The following UBE3C variants were observed in gnomAD, a reference collection of about 807,000 sequenced individuals.
UBE3C encodes the protein ubiquitin-protein ligase E3C.
Under a neutral mutation model 129.4 loss-of-function variants are expected in UBE3C, and 42 were observed. The observed-to-expected ratio is 0.32, with a 90% confidence interval of 0.25 to 0.42. The LOEUF (loss-of-function observed/expected upper bound fraction) is 0.42. Ranked by LOEUF, UBE3C falls within the 10% of genes least tolerant of loss-of-function variation. The pLI is 1.00. For synonymous variants in UBE3C, 510 were observed against 492.4 expected (o/e 1.04, Z -0.47); for missense variants, 1,049 against 1,319.1 (o/e 0.80, Z 3.17).
chr7:157,187,072 C>T (rs1808827893), intron 10 of UBE3C, 51 bp downstream of exon 10: 1 of 1,520,724 alleles, frequency 6.6e-7, no homozygotes, highest in Non-Finnish European at 8.9e-7. Context: ...GAGAACATAC[C>T]TTCCTCCCTG....
In UBE3C at chr7:157,231,299, A is replaced by T; in HGVS notation, c.2453A>T (p.Tyr818Phe). The change falls in exon 18 of 23, where the codon TAC becomes TTC. Residue 818 changes from tyrosine to phenylalanine, a missense_variant. Tyr to Phe is a conservative substitution (Grantham distance 22). Coordinates refer to ENST00000348165, the MANE Select transcript of UBE3C (RefSeq NM_014671.3). ...GTGGGAGATTCTTTTGCCAGACATT[A>T]CTACTTCCTAGGCAGAATGCTTGGA... ...MLVGDSFARH[Y>F]YFLGRMLGKA... 6.2e-7 allele frequency: 1 copy of T among 1,614,142 alleles called. No homozygotes were observed. Among genetic ancestry groups the T allele is most frequent in the Non-Finnish European group, 8.5e-7 (1 of 1,180,006 alleles).
intron 15 of UBE3C, 140 bp downstream of exon 15, chr7:157,220,916 T>C: frequency 1.0e-6 from 1 of 992,960 alleles, no homozygotes; most frequent in Non-Finnish European, 1.4e-6. Context: ...TAGAAAAGTT[T>C]CATCACCCAC....
chr7:157,266,239 G>A (rs953410037), intron 22 of UBE3C, among the ~76,000 whole-genome samples: 3 of 152,132 alleles, frequency 2.0e-5, no homozygotes, highest in Admixed American at 6.6e-5. Context: ...GCGTGAACCC[G>A]GGAGGCGGAT....
In UBE3C at chr7:157,174,594, C is replaced by T. The variant is rs551733614; in HGVS notation, c.343-325C>T. On this transcript the variant is annotated intron_variant, in intron 4 of 22. Coordinates refer to ENST00000348165, the MANE Select transcript of UBE3C (RefSeq NM_014671.3). ...CAGCCTCTCGAATAGCTGGGACTAC[C>T]GATGTGTGCCACCACGCTCGGCTAA... 2.0e-4 allele frequency among the ~76,000 whole-genome samples: 31 copies of T among 152,146 alleles called. 1 individual carries two copies. In the South Asian group the frequency reaches 5.6e-3, roughly 28 times the overall value.
chr7:157,191,768 T>G (rs765690674), intron 10 of UBE3C, among the ~76,000 whole-genome samples: 2 of 152,204 alleles, frequency 1.3e-5, no homozygotes, highest in Non-Finnish European at 2.9e-5. Flanking sequence ...AAAATACAGA[T>G]TTGTTTTTCA....
At chr7:157,177,869 A>C (rs3802125) in intron 5 of UBE3C, among the ~76,000 whole-genome samples, 67,670 of 151,350 alleles carry the variant, frequency 0.45, 16,861 homozygotes, top group African/African-American at 0.69. Flanking sequence ...AGTTTCAGTG[A>C]GGCATTGAAA....
intron 13 of UBE3C, among the ~76,000 whole-genome samples, chr7:157,212,469 G>A (rs1027518428): frequency 3.9e-5 from 6 of 152,148 alleles, no homozygotes; most frequent in Admixed American, 6.5e-5. Context: ...TAGCTAGTGC[G>A]TAAGAATATT....
In UBE3C at chr7:157,170,317, G is replaced by C; in HGVS notation, c.209G>C (p.Arg70Thr). 1 of 1,516,358 alleles carries C rather than the reference G, an allele frequency of 6.6e-7. No individual in the cohort carries two copies. Among genetic ancestry groups the C allele is most frequent in the Non-Finnish European group, 8.8e-7 (1 of 1,136,376 alleles). The allele number at this position is 1,516,358 out of a possible 1,614,324, so 93.9% of individuals were successfully genotyped here. Residue 70 changes from arginine to threonine, a missense_variant, in exon 4 of 23, where the codon AGA (arginine) becomes ACA (threonine). Arg to Thr is a moderately conservative substitution (Grantham distance 71). This residue lies in a region of UBE3C where 489 missense variants were observed against 513.8 expected (regional missense o/e 0.95). Transcript: ENST00000348165. Reference sequence around the variant, plus strand: ...TTTTTCTTCCAGTATTCCATCCAAAGAAGTGCATTTGATCGCTGTGCTACC... The same window carrying C: ...TTTTTCTTCCAGTATTCCATCCAAACAAGTGCATTTGATCGCTGTGCTACC... Reference protein sequence around the residue: ...RDRKQQYSIQRSAFDRCATLS... With the variant: ...RDRKQQYSIQTSAFDRCATLS...
At chr7:157,143,524 T>C (rs1043720035) in intron 1 of UBE3C, among the ~76,000 whole-genome samples, 1 of 152,188 alleles carries the variant, frequency 6.6e-6, no homozygotes, top group Non-Finnish European at 1.5e-5. Flanking sequence ...ACTGGCTTTC[T>C]CCATTTCTCA....
At chr7:157,154,737 A>T (rs984145351) in intron 1 of UBE3C, among the ~76,000 whole-genome samples, 13 of 152,168 alleles carry the variant, frequency 8.5e-5, no homozygotes, top group African/African-American at 2.7e-4. Flanking sequence ...TTTGCATTGG[A>T]TACTTCATTT....
rs1395065908 is a variant in UBE3C, at chr7:157,225,442, A to C, written c.2136A>C (p.Glu712Asp). The part of the protein sequence containing the change: ...FQRLIYADKQ[E>D]VQGDGPFLDG... Reference sequence around the variant, plus strand: ...GGTTGATTTATGCAGATAAGCAAGAAGTTCAAGGAGATGGTCCATTTCTGG... The same window carrying C: ...GGTTGATTTATGCAGATAAGCAAGACGTTCAAGGAGATGGTCCATTTCTGG... Residue 712 changes from glutamate to aspartate, a missense_variant, in exon 17 of 23, where the codon GAA becomes GAC. Glu to Asp is a conservative substitution (Grantham distance 45). This residue lies in a region of UBE3C where 314 missense variants were observed against 416.9 expected (regional missense o/e 0.75). Coordinates refer to ENST00000348165, the MANE Select transcript of UBE3C (RefSeq NM_014671.3). 6.2e-7 allele frequency: 1 copy of C among 1,606,740 alleles called. No homozygotes were observed. The highest frequency in any genetic ancestry group is 1.1e-5 in the South Asian group (1 of 89,220).
At chr7:157,185,179 G>A (rs1808773527) in intron 9 of UBE3C, among the ~76,000 whole-genome samples, 2 of 152,236 alleles carry the variant, frequency 1.3e-5, no homozygotes, top group South Asian at 4.1e-4. Flanking sequence ...GAGGCTGTGG[G>A]CTTTCTCAGC....
intron 1 of UBE3C, among the ~76,000 whole-genome samples, chr7:157,156,381 A>G (rs1389676850): frequency 2.2e-5 from 3 of 137,092 alleles, no homozygotes; most frequent in African/African-American, 8.5e-5. Context: ...ATCTCGGCTC[A>G]CTGCAGCCTC....
chr7:157,213,850 C>T (rs996324578), intron 13 of UBE3C, among the ~76,000 whole-genome samples: 2 of 152,074 alleles, frequency 1.3e-5, no homozygotes, highest in African/African-American at 2.4e-5. Context: ...AATTGAATTA[C>T]GGATAAATCA....
At chr7:157,240,982 C>T (rs527571692) in intron 18 of UBE3C, among the ~76,000 whole-genome samples, 10 of 152,180 alleles carry the variant, frequency 6.6e-5, no homozygotes, top group East Asian at 3.9e-4. Flanking sequence ...TGACTGAACC[C>T]GGGAGAGGTA....
intron 18 of UBE3C, among the ~76,000 whole-genome samples, chr7:157,237,475 G>GCA (rs1796182881): frequency 6.6e-6 from 1 of 152,160 alleles, no homozygotes; most frequent in Non-Finnish European, 1.5e-5. Context: ...TGTAGGTTTA[G>GCA]CACCACAAGG....
intron 1 of UBE3C, among the ~76,000 whole-genome samples, chr7:157,140,671 G>C (rs1807418124): frequency 6.6e-6 from 1 of 152,164 alleles, no homozygotes. Context: ...CAGACCATCT[G>C]AGACTCCATG....
At chr7:157,220,872 T>A (rs188022205) in intron 15 of UBE3C, 96 bp downstream of exon 15, 1 of 1,357,698 alleles carries the variant, frequency 7.4e-7, no homozygotes, top group African/African-American at 1.4e-5. Context: ...CATAAACTTA[T>A]ACAGCCATGT....
intron 19 of UBE3C, among the ~76,000 whole-genome samples, chr7:157,252,770 A>G (rs1032326848): frequency 3.9e-5 from 6 of 152,280 alleles, no homozygotes; most frequent in Non-Finnish European, 7.3e-5. Context: ...AAGGCTGTGA[A>G]AAGAAAAGAA....
Sources: allele counts gnomAD v4.1 joint callset (sites outside exome capture counted in the v4.1 genomes callset), GRCh38; gene constraint gnomAD v4.1.1; regional missense constraint gnomAD v4.1.1; transcripts MANE v1.5; gene names NCBI Gene and HGNC (gene_info 2026-07-23, HGNC 2026-07-21).